ZMIZ1: variants seen among roughly 807,000 people sequenced by gnomAD.
ZMIZ1 encodes zinc finger MIZ-type containing 1.
ZMIZ1 carries 17 observed loss-of-function variants against 113.9 expected under a neutral mutation model. The observed-to-expected ratio is 0.15, with a 90% confidence interval of 0.10 to 0.22. ZMIZ1 has a LOEUF of 0.22. ZMIZ1 is among the 10% of genes least tolerant of loss of function. The pLI, the probability that ZMIZ1 is intolerant of heterozygous loss-of-function variation, is 1.00. For missense variants in ZMIZ1, 1,059 were observed against 1,477.8 expected (o/e 0.72, Z 4.65); for synonymous variants, 607 against 603.1 (o/e 1.01, Z -0.09).
At chr10:79,195,099 G>A (rs909703248) in intron 4 of ZMIZ1, among the ~76,000 whole-genome samples, 1 of 152,238 alleles carries the variant, frequency 6.6e-6, no homozygotes, top group Non-Finnish European at 1.5e-5. Context: ...CCATGGACCT[G>A]CCTTGGGACA....
At chr10:79,306,921 C>A (rs1425776474) in intron 22 of ZMIZ1, among the ~76,000 whole-genome samples, 1 of 152,226 alleles carries the variant, frequency 6.6e-6, no homozygotes, top group Non-Finnish European at 1.5e-5. Context: ...GATCCTCTGA[C>A]CCTTGCCATC....
chr10:79,254,793 G>A (rs552828108), intron 7 of ZMIZ1, among the ~76,000 whole-genome samples: 70 of 152,298 alleles, frequency 4.6e-4, no homozygotes, highest in Non-Finnish European at 9.3e-4. Flanking sequence ...AGGGAGAGCC[G>A]ACTGAGTGAG....
intron 5 of ZMIZ1, among the ~76,000 whole-genome samples, chr10:79,203,045 G>T (rs1362961424): frequency 6.6e-6 from 1 of 152,204 alleles, no homozygotes; most frequent in Non-Finnish European, 1.5e-5. Context: ...TGACAGGGAA[G>T]GGAGTGCTGG....
chr10:79,219,446 A>G (rs565272300), intron 7 of ZMIZ1, among the ~76,000 whole-genome samples: 1 of 152,312 alleles, frequency 6.6e-6, no homozygotes, highest in South Asian at 2.1e-4. Context: ...CCAACTCATA[A>G]GTAATAGGCT....
intron 4 of ZMIZ1, among the ~76,000 whole-genome samples, chr10:79,197,923 C>T (rs184952052): frequency 6.7e-4 from 102 of 152,220 alleles, no homozygotes; most frequent in African/African-American, 2.2e-3. Flanking sequence ...AATCTCCGCA[C>T]GCCCAACCCA....
intron 8 of ZMIZ1, among the ~76,000 whole-genome samples, chr10:79,288,818 G>A (rs1468031966): frequency 1.3e-5 from 2 of 152,214 alleles, no homozygotes; most frequent in Non-Finnish European, 2.9e-5. Context: ...ACTCACTGTA[G>A]ACCTAAGCAC....
chr10:79,151,976 C>CT (rs1845731363), intron 3 of ZMIZ1, among the ~76,000 whole-genome samples: 1 of 152,220 alleles, frequency 6.6e-6, no homozygotes, highest in Non-Finnish European at 1.5e-5. Context: ...TCTGGGCCCC[C>CT]TGGGCTGCTC....
chr10:79,084,498 A>G (rs957044229), intron 1 of ZMIZ1, among the ~76,000 whole-genome samples: 12 of 152,218 alleles, frequency 7.9e-5, no homozygotes, highest in African/African-American at 2.2e-4. Flanking sequence ...TCTTGGCCAC[A>G]CGGGATCAAC....
At chr10:79,279,870 G>A (rs913108360) in intron 8 of ZMIZ1, among the ~76,000 whole-genome samples, 11 of 152,218 alleles carry the variant, frequency 7.2e-5, no homozygotes, top group African/African-American at 2.2e-4. Context: ...GCTGAGGCAG[G>A]AGAATCAGGC....
chr10:79,167,455 C>G (rs1846402419), intron 4 of ZMIZ1, among the ~76,000 whole-genome samples: 1 of 152,178 alleles, frequency 6.6e-6, no homozygotes, highest in African/African-American at 2.4e-5. Context: ...AGAGCACAGG[C>G]TGTCTCTGTA....
At chr10:79,199,421 G>A (rs984299383) in intron 4 of ZMIZ1, among the ~76,000 whole-genome samples, 1 of 151,098 alleles carries the variant, frequency 6.6e-6, no homozygotes, top group African/African-American at 2.4e-5. Flanking sequence ...CTGGAGAATC[G>A]CTTGAACCTG....
At chr10:79,254,965 T>C (rs188006767) in intron 7 of ZMIZ1, among the ~76,000 whole-genome samples, 2 of 152,348 alleles carry the variant, frequency 1.3e-5, no homozygotes, top group African/African-American at 4.8e-5. Flanking sequence ...CTCCCTGAGC[T>C]GCCCACGACA....
rs1242257869 is a variant in ZMIZ1, at chr10:79,292,371, TA to T, written c.957+17del. 1 of 1,596,164 alleles carries T rather than the reference TA, an allele frequency of 6.3e-7. No individual in the cohort carries two copies. The highest frequency in any genetic ancestry group is 1.7e-5 in the Admixed American group (1 of 59,544). On this transcript the variant is annotated intron_variant, in intron 11 of 24. Coordinates refer to ENST00000334512, the MANE Select transcript of ZMIZ1 (RefSeq NM_020338.4). Reference sequence around the variant, plus strand: ...AGTATGGACCGGTAAGGGTTCCCACTAATCCTGGTCCAGCCTTGCCCAGCCA... The same window carrying T: ...AGTATGGACCGGTAAGGGTTCCCACTATCCTGGTCCAGCCTTGCCCAGCCA...
At chr10:79,139,529 A>G (rs1430147948) in intron 2 of ZMIZ1, among the ~76,000 whole-genome samples, 153 bp from the exon 3 acceptor site, 1 of 152,234 alleles carries the variant, frequency 6.6e-6, no homozygotes, top group Non-Finnish European at 1.5e-5. Flanking sequence ...GGGAAGACAC[A>G]GCCAGCTCTG....
chr10:79,225,384 C>G (rs1053050500), intron 7 of ZMIZ1, among the ~76,000 whole-genome samples: 2 of 152,110 alleles, frequency 1.3e-5, no homozygotes, highest in Admixed American at 6.5e-5. Flanking sequence ...CCTAGTTTAG[C>G]TACAGGTGAC....
intron 8 of ZMIZ1, among the ~76,000 whole-genome samples, chr10:79,283,644 CA>C (rs1314887235): frequency 3.3e-5 from 5 of 152,026 alleles, no homozygotes; most frequent in African/African-American, 7.2e-5. Context: ...ATTTTAAAAA[CA>C]AAAAAAGAAG....
intron 4 of ZMIZ1, among the ~76,000 whole-genome samples, chr10:79,177,274 G>A (rs1056793998): frequency 5.9e-5 from 9 of 152,010 alleles, no homozygotes; most frequent in African/African-American, 2.2e-4. Flanking sequence ...GCCTTTTCAA[G>A]TCTGTGTTTC....
At chr10:79,096,609 T>C (rs760763139) in intron 1 of ZMIZ1, among the ~76,000 whole-genome samples, 1 of 151,546 alleles carries the variant, frequency 6.6e-6, no homozygotes, top group Non-Finnish European at 1.5e-5. Flanking sequence ...CCATTGGCCG[T>C]TTTCTTGAGT....
At chr10:79,120,647 C>A (rs1171927198) in intron 2 of ZMIZ1, among the ~76,000 whole-genome samples, 1 of 152,150 alleles carries the variant, frequency 6.6e-6, no homozygotes, top group Non-Finnish European at 1.5e-5. Flanking sequence ...ATACGGTGGC[C>A]GCAAGGATGA....
Sources: gnomAD v4.1 joint callset for allele counts (sites outside exome capture counted in the v4.1 genomes callset) on GRCh38, gnomAD v4.1.1 for gene constraint, MANE v1.5 for transcripts, NCBI Gene and HGNC (gene_info 2026-07-23, HGNC 2026-07-21) for gene names.